Variants in GPR158 observed in about 807,000 individuals in gnomAD.
GPR158 encodes metabotropic glycine receptor.
GPR158 carries 30 observed loss-of-function variants against 78.2 expected under a neutral mutation model. That is an observed-to-expected ratio of 0.38 (90% CI 0.29 to 0.52). GPR158 has a LOEUF of 0.52. GPR158 is among the 20% of genes least tolerant of loss of function. GPR158 has a pLI of 0.83. For synonymous variants in GPR158, 581 were observed against 591.1 expected, an observed-to-expected ratio of 0.98 and a Z score of 0.25; for missense variants, 1,463 against 1,523.5, an observed-to-expected ratio of 0.96 and a Z score of 0.66.
At chr10:25,542,823 C>CAA (rs5783943) in intron 5 of GPR158, among the ~76,000 whole-genome samples, 39,679 of 93,858 alleles carry the variant, frequency 0.42, 7,614 homozygotes, top group East Asian at 0.57. Context: ...AACTCCATCT[C>CAA]AAAAAAAAAA....
chr10:25,511,207 A>C (rs569062151), intron 5 of GPR158, among the ~76,000 whole-genome samples: 7 of 152,080 alleles, frequency 4.6e-5, no homozygotes, highest in African/African-American at 1.7e-4. Flanking sequence ...GCCAACATCT[A>C]TTATTTTTTG....
intron 1 of GPR158, among the ~76,000 whole-genome samples, chr10:25,188,653 A>T (rs764140282): frequency 6.6e-6 from 1 of 152,240 alleles, no homozygotes; most frequent in South Asian, 2.1e-4. Flanking sequence ...TGAAGACTTA[A>T]ACGTTAGACC....
chr10:25,291,709 G>A (rs556095), intron 2 of GPR158, among the ~76,000 whole-genome samples: 151,082 of 152,176 alleles, frequency 0.99, 75,024 homozygotes, highest in Middle Eastern at 1. Context: ...TCTAGACAAA[G>A]TGTTAACATC....
At chr10:25,324,847 T>TG (rs1183831952) in intron 2 of GPR158, among the ~76,000 whole-genome samples, 2 of 146,634 alleles carry the variant, frequency 1.4e-5, no homozygotes, top group African/African-American at 5.3e-5. Flanking sequence ...TTTTTTTTTT[T>TG]TGAGACATTG....
Position 25,461,687 on chromosome 10 carries a change from T to TTGA in GPR158, c.1336-4960_1336-4958dup, listed in dbSNP as rs538264350. Among the ~76,000 whole-genome samples the TTGA allele has an allele frequency of 2.0e-5, 3 of 152,182 alleles. No individual in the cohort carries two copies. In the South Asian group the frequency reaches 6.2e-4, roughly 32 times the overall value. On this transcript the variant is annotated intron_variant, in intron 4 of 10. Coordinates refer to ENST00000376351, the MANE Select transcript of GPR158 (RefSeq NM_020752.3). ...TACATGAAACAACAGATTTTCAATATTGATGAAATAGCCCTCTACTGGAAG... is the reference window on the plus strand; with the variant it reads ...TACATGAAACAACAGATTTTCAATATTGATGATGAAATAGCCCTCTACTGGAAG...
At chr10:25,459,875 C>T (rs545351781) in intron 4 of GPR158, among the ~76,000 whole-genome samples, 28 of 152,140 alleles carry the variant, frequency 1.8e-4, no homozygotes, top group African/African-American at 6.7e-4. Context: ...TGTTATAAAC[C>T]TCCATAAGTC....
Position 25,176,349 on chromosome 10 carries a change from A to G in GPR158, c.902+27A>G, listed in dbSNP as rs776589734. The G allele has an allele frequency of 9.9e-6, 15 of 1,516,386 alleles. No homozygotes were observed. In the East Asian group the frequency reaches 2.7e-4, roughly 28 times the overall value. The allele number at this position is 1,516,386 out of a possible 1,614,324, so 93.9% of individuals were successfully genotyped here. ...TAGGGAGGGCCGGGGGGCAGGGGGG[A>G]AGGCAAAAGCGAAGCTTTCCTTCCG... On this transcript the variant is annotated intron_variant, in intron 1 of 10. Transcript: ENST00000376351. This position sits in a 1 kb window ranked among gnomAD's most constrained non-coding sequence, Gnocchi z 6.3.
At chr10:25,404,590 G>C (rs1834488026) in intron 3 of GPR158, among the ~76,000 whole-genome samples, 2 of 152,162 alleles carry the variant, frequency 1.3e-5, no homozygotes, top group South Asian at 4.1e-4. Flanking sequence ...ACTTGAGGAA[G>C]ATAATAAAGT....
At chr10:25,393,076 C>A (rs527748272) in intron 2 of GPR158, among the ~76,000 whole-genome samples, 189 of 152,200 alleles carry the variant, frequency 1.2e-3, no homozygotes, top group South Asian at 0.01. Context: ...AATCAGGAGG[C>A]ATTTCTTTCA....
intron 4 of GPR158, among the ~76,000 whole-genome samples, chr10:25,434,578 T>G (rs1220788556): frequency 6.6e-6 from 1 of 152,208 alleles, no homozygotes; most frequent in African/African-American, 2.4e-5. Context: ...TGTTTAGGAA[T>G]GTTTAGCTAG....
At chr10:25,491,831 G>C (rs1378787211) in intron 5 of GPR158, among the ~76,000 whole-genome samples, 1 of 152,176 alleles carries the variant, frequency 6.6e-6, no homozygotes, top group East Asian at 1.9e-4. Context: ...TCATTATATG[G>C]ATAGGTCAAA....
At chr10:25,232,858 C>T (rs1284551864) in intron 2 of GPR158, among the ~76,000 whole-genome samples, 1 of 151,934 alleles carries the variant, frequency 6.6e-6, no homozygotes, top group Non-Finnish European at 1.5e-5. Flanking sequence ...CTAAAATGCA[C>T]AAGATTTTTG....
At chr10:25,556,129 C>T (rs1348450908) in intron 6 of GPR158, among the ~76,000 whole-genome samples, 3 of 152,114 alleles carry the variant, frequency 2.0e-5, no homozygotes, top group African/African-American at 7.2e-5. Flanking sequence ...TGCAGTTATT[C>T]GACTTGGTTG....
At chr10:25,577,379 G>T (rs886384653) in intron 7 of GPR158, among the ~76,000 whole-genome samples, 8 of 152,200 alleles carry the variant, frequency 5.3e-5, no homozygotes, top group Non-Finnish European at 1.2e-4. Context: ...GTGGTGGGAA[G>T]ACTTTCTCAA....
intron 2 of GPR158, among the ~76,000 whole-genome samples, chr10:25,256,705 A>G (rs939848511): frequency 2.0e-5 from 3 of 152,156 alleles, no homozygotes; most frequent in African/African-American, 7.2e-5. Context: ...AATAAAATAA[A>G]ATAAAATAAA....
At chr10:25,385,664 A>G (rs1834212602) in intron 2 of GPR158, among the ~76,000 whole-genome samples, 1 of 152,096 alleles carries the variant, frequency 6.6e-6, no homozygotes, top group South Asian at 2.1e-4. Flanking sequence ...GGCCATACTA[A>G]TGGAGGTGGG....
At chr10:25,441,137 T>G (rs961976102) in intron 4 of GPR158, among the ~76,000 whole-genome samples, 1 of 152,208 alleles carries the variant, frequency 6.6e-6, no homozygotes, top group Non-Finnish European at 1.5e-5. Context: ...ATTTATTGTT[T>G]ATTTACCTTC....
At chr10:25,252,735 T>C (rs1255528486) in intron 2 of GPR158, among the ~76,000 whole-genome samples, 5 of 152,290 alleles carry the variant, frequency 3.3e-5, no homozygotes, top group East Asian at 1.9e-4. Flanking sequence ...GACAGGGACA[T>C]TTAAGTCTGC....
chr10:25,196,603 A>G (rs180694120), intron 1 of GPR158, among the ~76,000 whole-genome samples: 1 of 152,364 alleles, frequency 6.6e-6, no homozygotes, highest in African/African-American at 2.4e-5. Context: ...GTTCCTCAAC[A>G]GATCTCTGCC....
Sources: allele counts gnomAD v4.1 joint callset (sites outside exome capture counted in the v4.1 genomes callset), GRCh38; gene constraint gnomAD v4.1.1; non-coding constraint Gnocchi (gnomAD v3.1); transcripts MANE v1.5; gene names NCBI Gene and HGNC (gene_info 2026-07-23, HGNC 2026-07-21).